Variants in XKR4 observed in about 807,000 individuals in gnomAD.
The protein encoded by XKR4 is XK related 4, also known as XK-related protein 4.
Under a neutral mutation model 53.9 loss-of-function variants are expected in XKR4, and 12 were observed. That is an observed-to-expected ratio of 0.22 (90% CI 0.14 to 0.36). The LOEUF is 0.36. Ranked by LOEUF, XKR4 falls within the 10% of genes least tolerant of loss-of-function variation. The pLI is 1.00. For missense variants in XKR4, 799 were observed against 859.5 expected (o/e 0.93, Z 0.88); for synonymous variants, 354 against 362.4 (o/e 0.98, Z 0.26).
chr8:55,476,953 T>C (rs1352662189), intron 2 of XKR4, among the ~76,000 whole-genome samples: 1 of 151,942 alleles, frequency 6.6e-6, no homozygotes, highest in African/African-American at 2.4e-5. Flanking sequence ...CTCTGTAGAG[T>C]CCACCTCTGG....
chr8:55,168,706 CATCCTT>C (rs2129358167), intron 1 of XKR4, among the ~76,000 whole-genome samples: 1 of 152,330 alleles, frequency 6.6e-6, no homozygotes, highest in South Asian at 2.1e-4. Flanking sequence ...TCTATCAGCT[CATCCTT>C]ATACTTTTAG....
At chr8:55,179,061 G>A (rs773119599) in intron 1 of XKR4, among the ~76,000 whole-genome samples, 10 of 152,014 alleles carry the variant, frequency 6.6e-5, no homozygotes, top group Non-Finnish European at 1.2e-4. Context: ...AGAGGAAGAG[G>A]GCTTAAATAT....
At chr8:55,451,301 A>G in intron 2 of XKR4, 1 of 596,396 alleles carries the variant, frequency 1.7e-6, no homozygotes, top group Non-Finnish European at 3.0e-6. Context: ...GTCAGTCTGG[A>G]TGCCGCCGCC....
intron 2 of XKR4, among the ~76,000 whole-genome samples, chr8:55,425,399 A>ACGCACT (rs61345272): frequency 0.31 from 46,678 of 150,880 alleles, 8,338 homozygotes; most frequent in East Asian, 0.43. Flanking sequence ...GTTTCATTCA[A>ACGCACT]CGCACTCTCG....
intron 1 of XKR4, among the ~76,000 whole-genome samples, chr8:55,197,278 C>T (rs1445112978): frequency 6.6e-6 from 1 of 152,140 alleles, no homozygotes; most frequent in Admixed American, 6.5e-5. Flanking sequence ...TGGGTTGTCT[C>T]CACACACCTC....
At position 55,454,175 on chromosome 8, in the gene XKR4, G is replaced by C. The variant is rs2929043; in HGVS notation, c.1007-69106G>C. ...CAGGACCATTCTTAGAACACTGTGC[G>C]TCTGACTCTGCAGTGGCTCTAGCAA... On this transcript the variant is annotated intron_variant, in intron 2 of 2. Transcript: ENST00000327381. 3 of 990,210 alleles carry C rather than the reference G, an allele frequency of 3.0e-6. No individual in the cohort carries two copies. The East Asian group carries it at 7.2e-5, about 24-fold the overall frequency. The allele number at this position is 990,210 out of a possible 1,614,324, so 61.3% of individuals were successfully genotyped here. A position where few individuals can be genotyped will look rare whatever the true frequency, so the allele number is the denominator to read the frequency against.
intron 2 of XKR4, among the ~76,000 whole-genome samples, chr8:55,515,647 T>A (rs1406726763): frequency 2.0e-5 from 3 of 152,302 alleles, no homozygotes; most frequent in African/African-American, 7.2e-5. Flanking sequence ...CTCTTTTAGA[T>A]CAGAAAGTGC....
chr8:55,227,536 G>A (rs887492730), intron 1 of XKR4, among the ~76,000 whole-genome samples: 1 of 152,174 alleles, frequency 6.6e-6, no homozygotes, highest in Non-Finnish European at 1.5e-5. Context: ...AAGCCCAGGC[G>A]CTCTCCACTT....
chr8:55,330,430 T>G (rs1803366480), intron 1 of XKR4, among the ~76,000 whole-genome samples: 1 of 152,090 alleles, frequency 6.6e-6, no homozygotes, highest in African/African-American at 2.4e-5. Flanking sequence ...ATCTGACACA[T>G]GGTAAGCAAT....
At position 55,335,800 on chromosome 8, in the gene XKR4, G is replaced by A. The variant is rs181228556; in HGVS notation, c.807-21878G>A. Among the ~76,000 whole-genome samples the A allele has an allele frequency of 1.1e-4, 17 of 149,854 alleles. No homozygotes were observed. The East Asian group carries it at 2.4e-3, about 21-fold the overall frequency. On this transcript the variant is annotated intron_variant, in intron 1 of 2. Coordinates refer to ENST00000327381, the MANE Select transcript of XKR4 (RefSeq NM_052898.2). Reference sequence around the variant, plus strand: ...GGGTAGATCTCAAAGACATTATGCCGAATGAAAAAAATCTAATCTCAAAAT... The same window carrying A: ...GGGTAGATCTCAAAGACATTATGCCAAATGAAAAAAATCTAATCTCAAAAT...
At chr8:55,347,643 C>T (rs951713111) in intron 1 of XKR4, among the ~76,000 whole-genome samples, 1 of 152,160 alleles carries the variant, frequency 6.6e-6, no homozygotes, top group African/African-American at 2.4e-5. Flanking sequence ...AATGTGTTTA[C>T]CTCTGAAGAG....
chr8:55,296,299 G>T (rs568117987), intron 1 of XKR4, among the ~76,000 whole-genome samples: 1 of 152,250 alleles, frequency 6.6e-6, no homozygotes, highest in South Asian at 2.1e-4. Context: ...TAGTCACACA[G>T]CCACCCTCAG....
rs556944081 is a variant in XKR4 at position 55,217,954 on chromosome 8, A to C, written c.806+114660A>C. Among the ~76,000 whole-genome samples, 103 of 152,306 alleles carry C rather than the reference A, an allele frequency of 6.8e-4. 1 individual carries two copies. The highest frequency in any genetic ancestry group is 6.2e-3 in the South Asian group (30 of 4,826). Reference sequence around the variant, plus strand: ...AGTACTTCAATGGCAAAAACAAACAACAATGATAGTAGAAGGTCTTTTATA... The same window carrying C: ...AGTACTTCAATGGCAAAAACAAACACCAATGATAGTAGAAGGTCTTTTATA... On this transcript the variant is annotated intron_variant, in intron 1 of 2. Transcript: ENST00000327381.
chr8:55,189,699 C>T (rs1817419663), intron 1 of XKR4, among the ~76,000 whole-genome samples: 1 of 152,218 alleles, frequency 6.6e-6, no homozygotes, highest in Admixed American at 6.5e-5. Context: ...TAAGTGAGGT[C>T]TGCTGTTGAC....
intron 1 of XKR4, among the ~76,000 whole-genome samples, chr8:55,347,875 A>G (rs1405285507): frequency 6.6e-6 from 1 of 152,234 alleles, no homozygotes; most frequent in African/African-American, 2.4e-5. Context: ...TCTCTCTGCC[A>G]TCTGTATAAA....
intron 1 of XKR4, among the ~76,000 whole-genome samples, chr8:55,271,001 G>A (rs542039391): frequency 6.6e-6 from 1 of 152,262 alleles, no homozygotes; most frequent in East Asian, 1.9e-4. Context: ...AGCTAGGGAG[G>A]CTGAGCATGG....
intron 2 of XKR4, among the ~76,000 whole-genome samples, chr8:55,466,387 T>A (rs201316526): frequency 7.6e-4 from 116 of 151,842 alleles, no homozygotes; most frequent in Non-Finnish European, 1.1e-3. Context: ...TTGCAAGGAC[T>A]AAAAACCAAA....
intron 1 of XKR4, among the ~76,000 whole-genome samples, chr8:55,289,580 GAAGA>G (rs1818954776): frequency 1.2e-5 from 1 of 86,050 alleles, no homozygotes; most frequent in Admixed American, 1.4e-4. Context: ...AGAGAGAAAG[GAAGA>G]AAGAAAGAGA....
intron 2 of XKR4, chr8:55,452,277 T>G (rs549923108): frequency 1.5e-6 from 1 of 648,702 alleles, no homozygotes; most frequent in South Asian, 1.6e-5. Context: ...CAAAGGGGTC[T>G]GGATGCTGAT....
Sources: gnomAD v4.1 joint callset for allele counts (sites outside exome capture counted in the v4.1 genomes callset) on GRCh38, gnomAD v4.1.1 for gene constraint, MANE v1.5 for transcripts, NCBI Gene and HGNC (gene_info 2026-07-23, HGNC 2026-07-21) for gene names.